The following PEBP4 variants were observed in gnomAD, a reference collection of about 807,000 sequenced individuals.
PEBP4 encodes the protein phosphatidylethanolamine-binding protein 4.
In PEBP4, 22 loss-of-function variants were observed where a neutral mutation model predicts 23.9. The observed-to-expected ratio is 0.92, with a 90% CI of 0.66 to 1.31. The LOEUF is 1.31. Ranked by LOEUF, PEBP4 falls within the 40% of genes most tolerant of loss-of-function variation. PEBP4 has a pLI of 0.00. For missense variants in PEBP4, 324 were observed against 281.7 expected (o/e 1.15, Z -1.07); for synonymous variants, 112 against 99.3 (o/e 1.13, Z -0.76).
At chr8:22,860,804 C>T (rs939271862) in intron 3 of PEBP4, among the ~76,000 whole-genome samples, 2 of 152,204 alleles carry the variant, frequency 1.3e-5, no homozygotes, top group African/African-American at 2.4e-5. Flanking sequence ...ACAGTCTCTC[C>T]TGCACGGTCC....
At chr8:22,724,095 G>T (rs184092424) in intron 6 of PEBP4, among the ~76,000 whole-genome samples, 1 of 152,354 alleles carries the variant, frequency 6.6e-6, no homozygotes, top group East Asian at 1.9e-4. Context: ...AGCTGAGAGT[G>T]CAGGGGTGGC....
chr8:22,933,659 A>C (rs1040938369), intron 1 of PEBP4, among the ~76,000 whole-genome samples: 4 of 152,252 alleles, frequency 2.6e-5, no homozygotes, highest in African/African-American at 9.6e-5. Flanking sequence ...ACTGCCCTGC[A>C]AGAAATGCTG....
chr8:22,934,131 T>C (rs1467025919), intron 1 of PEBP4, among the ~76,000 whole-genome samples: 1 of 152,138 alleles, frequency 6.6e-6, no homozygotes, highest in African/African-American at 2.4e-5. Context: ...GCCCCCAAGA[T>C]GCAAACACCA....
At chr8:22,896,818 T>G (rs1037762191) in intron 3 of PEBP4, among the ~76,000 whole-genome samples, 8 of 152,052 alleles carry the variant, frequency 5.3e-5, no homozygotes, top group Non-Finnish European at 8.8e-5. Flanking sequence ...GTCTCTTCCC[T>G]TTAACTCACT....
chr8:22,870,398 T>G (rs1807984645), intron 3 of PEBP4, among the ~76,000 whole-genome samples: 1 of 152,110 alleles, frequency 6.6e-6, no homozygotes, highest in Admixed American at 6.5e-5. Context: ...ACTATGGAGA[T>G]AGTAAAATAT....
rs1805662307 is a variant in PEBP4, at chr8:22,768,912, G to A, written c.358-41692C>T. Among the ~76,000 whole-genome samples the A allele has an allele frequency of 3.3e-5, 5 of 152,280 alleles. 1 individual carries two copies. The South Asian group carries it at 1.0e-3, about 32-fold the overall frequency. ...GGTGTTTGTGTGGCCTGGGACAGTCGTCTCCGGGGCTCTGCCACATGTCAG... is the reference window on the plus strand; with the variant it reads ...GGTGTTTGTGTGGCCTGGGACAGTCATCTCCGGGGCTCTGCCACATGTCAG... On this transcript the variant is annotated intron_variant, in intron 4 of 6. Transcript: ENST00000256404.
intron 4 of PEBP4, among the ~76,000 whole-genome samples, chr8:22,789,978 G>A (rs1422960881): frequency 6.6e-6 from 1 of 152,148 alleles, no homozygotes; most frequent in Non-Finnish European, 1.5e-5. Context: ...TTCCAGGATG[G>A]GGAGTCCAAT....
At chr8:22,920,344 G>A (rs779899892) in intron 2 of PEBP4, 34 bp from the exon 3 acceptor site, 4 of 1,590,712 alleles carry the variant, frequency 2.5e-6, no homozygotes, top group Admixed American at 3.4e-5. Flanking sequence ...CCCTGTGTCA[G>A]GGTTTTAAGG....
intron 3 of PEBP4, among the ~76,000 whole-genome samples, chr8:22,898,419 A>ACC (rs1808639371): frequency 6.9e-6 from 1 of 145,330 alleles, no homozygotes; most frequent in Non-Finnish European, 1.5e-5. Flanking sequence ...AAAAAAAAAA[A>ACC]AAAAAAAAAA....
intron 3 of PEBP4, among the ~76,000 whole-genome samples, chr8:22,898,195 C>T (rs13438942): frequency 0.013 from 1,991 of 151,814 alleles, 46 homozygotes; most frequent in African/African-American, 0.046. Flanking sequence ...AGTTTGAGAC[C>T]GGCTTGGCCA....
intron 3 of PEBP4, among the ~76,000 whole-genome samples, chr8:22,917,828 A>G (rs1351101438): frequency 6.6e-6 from 1 of 152,190 alleles, no homozygotes; most frequent in Non-Finnish European, 1.5e-5. Context: ...GGAAAACCCT[A>G]TTTCCACTGG....
chr8:22,878,170 C>T (rs931918465), intron 3 of PEBP4: 17 of 146,970 alleles, frequency 1.2e-4, no homozygotes, highest in African/African-American at 4.0e-4. Context: ...ACTCCAGGTA[C>T]AGGAGCAGCT....
Position 22,724,877 on chromosome 8 carries a change from G to A in PEBP4, c.483C>T (p.Val161=), listed in dbSNP as rs1231333484. Residue 161 remains valine (V), a synonymous_variant, in exon 6 of 7, where the codon GTC becomes GTT. Transcript: ENST00000256404. ...QFFVYLQEGK[V]ISLLPKENKT... ...TGTTTTCCTTGGGAAGGAGAGAGAT[G>A]ACTTTTCCTTCCTGAAGATAGACAA... is the stretch of plus-strand genomic sequence containing the variant. The A allele has an allele frequency of 6.2e-7, 1 of 1,614,026 alleles. No homozygotes were observed. Among genetic ancestry groups the A allele is most frequent in the South Asian group, 1.1e-5 (1 of 91,062 alleles).
At chr8:22,902,073 C>T (rs993280715) in intron 3 of PEBP4, among the ~76,000 whole-genome samples, 3 of 152,012 alleles carry the variant, frequency 2.0e-5, no homozygotes, top group Admixed American at 6.6e-5. Flanking sequence ...AATCCCAGCA[C>T]TTTGGGAGGC....
chr8:22,786,272 TTTTGTTTG>T (rs756626141), intron 4 of PEBP4, among the ~76,000 whole-genome samples: 52 of 152,062 alleles, frequency 3.4e-4, no homozygotes, highest in African/African-American at 1.2e-3. Context: ...ATTTCTGTTT[TTTTGTTTG>T]TTTGTTTGTT....
chr8:22,851,463 A>T (rs1807548684), intron 3 of PEBP4, among the ~76,000 whole-genome samples: 1 of 152,136 alleles, frequency 6.6e-6, no homozygotes, highest in African/African-American at 2.4e-5. Context: ...AGATGATGAG[A>T]CCCAGAGATC....
At chr8:22,860,658 A>G (rs1047900356) in intron 3 of PEBP4, among the ~76,000 whole-genome samples, 22 of 152,218 alleles carry the variant, frequency 1.4e-4, no homozygotes, top group Middle Eastern at 3.4e-3. Context: ...ATCTGACTCT[A>G]TCTTCAAAGC....
At chr8:22,763,546 T>A (rs1805553169) in intron 4 of PEBP4, among the ~76,000 whole-genome samples, 1 of 152,168 alleles carries the variant, frequency 6.6e-6, no homozygotes, top group Non-Finnish European at 1.5e-5. Flanking sequence ...CTAAGAGACT[T>A]AGCATTTCTT....
intron 4 of PEBP4, among the ~76,000 whole-genome samples, chr8:22,759,477 A>G (rs1805459894): frequency 1.3e-5 from 2 of 151,436 alleles, no homozygotes; most frequent in Admixed American, 1.3e-4. Context: ...GCACCTTGGC[A>G]CCCATCCTCT....
Sources: gnomAD v4.1 joint callset for allele counts (sites outside exome capture counted in the v4.1 genomes callset) on GRCh38, gnomAD v4.1.1 for gene constraint, MANE v1.5 for transcripts, NCBI Gene and HGNC (gene_info 2026-07-23, HGNC 2026-07-21) for gene names.